The following CELSR2 variants were observed in gnomAD, a reference collection of about 807,000 sequenced individuals.
CELSR2 encodes cadherin EGF LAG seven-pass G-type receptor 2.
Under a neutral mutation model 251.6 loss-of-function variants are expected in CELSR2, and 81 were observed. The ratio of observed to expected loss-of-function variants is 0.32; its 90% CI spans 0.27 to 0.39. The LOEUF (loss-of-function observed/expected upper bound fraction) is 0.39. CELSR2 is among the 10% of genes least tolerant of loss of function. CELSR2 has a pLI of 1.00. For synonymous variants in CELSR2, 1,721 were observed against 1,670.5 expected (o/e 1.03, Z -0.74); for missense variants, 3,365 against 3,947.7 (o/e 0.85, Z 3.96).
In CELSR2 at chr1:109,259,035, G is replaced by C; in HGVS notation, c.3914G>C (p.Ser1305Thr). The C allele has an allele frequency of 1.9e-6, 3 of 1,595,058 alleles. No homozygotes were observed. The highest frequency in any genetic ancestry group is 1.3e-5 in the African/African-American group (1 of 74,940). The change falls in exon 2 of 34, where the codon AGC becomes ACC. Residue 1305 changes from serine to threonine, a missense_variant. Ser to Thr is a moderately conservative substitution (Grantham distance 58). Coordinates refer to ENST00000271332, the MANE Select transcript of CELSR2 (RefSeq NM_001408.3). ...TGTGGCCCCCACGGGCGCTGCCGCA[G>C]CCGCGAGGGCGGCTACACCTGCCTC... ...RPCGPHGRCR[S>T]REGGYTCLCR...
rs367639030 is a variant in CELSR2, at chr1:109,270,519, C to T, written c.7402C>T (p.Leu2468Phe). 5.9e-5 allele frequency: 95 copies of T among 1,614,106 alleles called. No individual in the cohort carries two copies. Among genetic ancestry groups the T allele is most frequent in the Non-Finnish European group, 7.5e-5 (88 of 1,180,040 alleles). The change falls in exon 24 of 34, where the codon CTC (leucine) becomes TTC (phenylalanine). Residue 2468 changes from leucine to phenylalanine, a missense_variant. By Grantham distance (22) the Leu-to-Phe change is conservative. Transcript: ENST00000271332. ...GGAGGCCTTGCACCTGTACCGGGCA[C>T]TCACTGAGGTGCGCGATGTCAACAC... ...LLEALHLYRA[L>F]TEVRDVNTGP... is the part of the protein sequence containing the mutation.
rs376120413 is a variant in CELSR2, at chr1:109,269,114, G to A, written c.6636G>A (p.Thr2212=). The change falls in exon 20 of 34, where the codon ACG becomes ACA. Residue 2212 remains threonine, a synonymous_variant. Coordinates refer to ENST00000271332, the MANE Select transcript of CELSR2 (RefSeq NM_001408.3). This position sits in a 1 kb window ranked among gnomAD's most constrained non-coding sequence, Gnocchi z 6.4. ...TGTGACAGTGTCCCCTCCCAGAGAC[G>A]CCCCCCGTGGTCAGGCCCGCAGGCC... is the stretch of plus-strand genomic sequence containing the variant. The part of the protein sequence containing the change: ...VILPESVFRE[T]PPVVRPAGPG... 6.9e-5 allele frequency: 110 copies of A among 1,598,658 alleles called. No individual in the cohort carries two copies. The highest frequency in any genetic ancestry group is 8.5e-5 in the Non-Finnish European group (100 of 1,171,840).
At chr1:109,266,010 G>A (rs1656176738) in intron 14 of CELSR2, 92 bp downstream of exon 14, 2 of 1,578,654 alleles carry the variant, frequency 1.3e-6, no homozygotes, top group Non-Finnish European at 1.7e-6. Flanking sequence ...TTGCAGGCCT[G>A]GGGAGGCCTG....
At chr1:109,263,821 C>T (rs764244244) in intron 9 of CELSR2, 44 bp downstream of exon 9, 1 of 1,592,566 alleles carries the variant, frequency 6.3e-7, no homozygotes, top group Admixed American at 1.7e-5. Context: ...GCCATAGGGC[C>T]CTGGTAGCCT....
At position 109,250,124 on chromosome 1, in the gene CELSR2, G is replaced by GCCT. The variant is rs1279679836; in HGVS notation, c.47_48insTCC (p.Pro16dup). On this transcript the variant is annotated inframe_insertion, in exon 1 of 34. Transcript: ENST00000271332. This position sits in a 1 kb window ranked among gnomAD's most constrained non-coding sequence, Gnocchi z 4.4. The stretch of plus-strand genomic sequence containing the variant: ...GCGTCCCCCTCCCAACGCCGCCGCC[G>GCCT]CCGCTGCTGCTGCTGTTGCTGCTGC... 5 of 1,582,486 alleles carry GCCT rather than the reference G, an allele frequency of 3.2e-6. No homozygotes were observed. The highest frequency in any genetic ancestry group is 4.3e-6 in the Non-Finnish European group (5 of 1,168,902).
chr1:109,262,004 C>A, intron 5 of CELSR2, 108 bp downstream of exon 5: 1 of 1,274,216 alleles, frequency 7.8e-7, no homozygotes, highest in Non-Finnish European at 1.1e-6. Flanking sequence ...CAGGGCATTT[C>A]TGGCTGAGAG....
At chr1:109,258,314 A>G (rs528308317) in intron 1 of CELSR2, 118 bp from the exon 2 acceptor site, 8 of 662,222 alleles carry the variant, frequency 1.2e-5, no homozygotes, top group Non-Finnish European at 2.0e-5. Flanking sequence ...CACGTGACAT[A>G]CCTGGCTCAG....
intron 14 of CELSR2, 61 bp downstream of exon 14, chr1:109,265,979 G>A: frequency 1.9e-6 from 3 of 1,583,280 alleles, no homozygotes; most frequent in African/African-American, 1.3e-5. Context: ...CTGCACCCCA[G>A]GAAAGCCAGG....
intron 1 of CELSR2, among the ~76,000 whole-genome samples, chr1:109,253,970 C>G (rs1410892747): frequency 6.6e-6 from 1 of 152,248 alleles, no homozygotes; most frequent in Non-Finnish European, 1.5e-5. Flanking sequence ...GCATTCTTTT[C>G]CCTCCAGGCA....
rs781631377 is a variant in CELSR2, at chr1:109,263,190, G to A, written c.4757G>A (p.Gly1586Glu). The change falls in exon 8 of 34, where the codon GGG (glycine) becomes GAG (glutamate). Residue 1586 changes from glycine to glutamate, a missense_variant. Transcript: ENST00000271332. ...NVCDSNTCHNGGTCVNQWDAF... is the reference protein window; with the variant it reads ...NVCDSNTCHNEGTCVNQWDAF... The stretch of plus-strand genomic sequence containing the variant: ...TGTGACAGCAACACTTGCCACAATG[G>A]GGGCACTTGCGTGAACCAGTGGGAC... The A allele has an allele frequency of 6.2e-7, 1 of 1,600,530 alleles. No individual in the cohort carries two copies. The highest frequency in any genetic ancestry group is 1.1e-5 in the South Asian group (1 of 90,756).
chr1:109,266,310 G>A (rs920231288), intron 15 of CELSR2, 104 bp downstream of exon 15: 197 of 1,361,434 alleles, frequency 1.4e-4, no homozygotes, highest in Non-Finnish European at 1.9e-4. Flanking sequence ...CCCACTTTCT[G>A]GCCTCCAGGT....
Position 109,272,657 on chromosome 1 carries a change from ACCCTGGCCAAGGGCC to A in CELSR2, c.8081_8095del (p.Gln2694_Gly2698del). 6.2e-7 allele frequency: 1 copy of A among 1,613,374 alleles called. No individual in the cohort carries two copies. The highest frequency in any genetic ancestry group is 1.3e-5 in the African/African-American group (1 of 74,982). The stretch of plus-strand genomic sequence containing the variant: ...CTTCCTAGGGAGGAGTCCGCACTGA[ACCCTGGCCAAGGGCC>A]CCCTGGCCTGGGGGATCCAGGCAGC... On this transcript the variant is annotated inframe_deletion, in exon 30 of 34. Coordinates refer to ENST00000271332, the MANE Select transcript of CELSR2 (RefSeq NM_001408.3).
At chr1:109,265,087 G>T in intron 12 of CELSR2, 78 bp downstream of exon 12, 1 of 1,599,106 alleles carries the variant, frequency 6.3e-7, no homozygotes, top group East Asian at 2.2e-5. Context: ...AGCCCCGAAA[G>T]CCTGGCTGAT....
Position 109,252,536 on chromosome 1 carries a change from C to T in CELSR2, c.2457C>T (p.Ser819=), listed in dbSNP as rs769134813. The T allele has an allele frequency of 3.7e-6, 6 of 1,613,798 alleles. No homozygotes were observed. Among genetic ancestry groups the T allele is most frequent in the Non-Finnish European group, 5.1e-6 (6 of 1,180,036 alleles). ...NDNAPQFLRD[S]YQGSVYEDVP... is the part of the protein sequence containing the mutation. Reference sequence around the variant, plus strand: ...ATGCCCCTCAGTTCCTGCGAGACTCCTACCAGGGCAGTGTCTATGAGGATG... The same window carrying T: ...ATGCCCCTCAGTTCCTGCGAGACTCTTACCAGGGCAGTGTCTATGAGGATG... Residue 819 remains serine (S), a synonymous_variant, in exon 1 of 34, where the codon TCC becomes TCT. Coordinates refer to ENST00000271332, the MANE Select transcript of CELSR2 (RefSeq NM_001408.3). The surrounding 1 kb of genome is among the most constrained non-coding windows in gnomAD (Gnocchi z 4.8).
At chr1:109,268,447 G>T in intron 17 of CELSR2, 134 bp from the exon 18 acceptor site, 2 of 1,212,918 alleles carry the variant, frequency 1.6e-6, no homozygotes, top group Non-Finnish European at 2.2e-6. Context: ...GAGCATTTCA[G>T]GGGAGGCAAC....
intron 1 of CELSR2, among the ~76,000 whole-genome samples, chr1:109,257,857 T>C (rs1444247690): frequency 6.6e-6 from 1 of 151,914 alleles, no homozygotes; most frequent in Non-Finnish European, 1.5e-5. Context: ...GAAGAATGCT[T>C]TGTGTTGGAT....
intron 13 of CELSR2, 66 bp downstream of exon 13, chr1:109,265,377 G>A (rs1656157253): frequency 4.6e-6 from 7 of 1,506,514 alleles, no homozygotes; most frequent in Middle Eastern, 1.8e-4. Flanking sequence ...CTGGGCCCTA[G>A]AGGGCAGGCT....
At chr1:109,260,110 G>A (rs554794639) in intron 2 of CELSR2, among the ~76,000 whole-genome samples, 1 of 150,736 alleles carries the variant, frequency 6.6e-6, no homozygotes, top group African/African-American at 2.4e-5. Context: ...TGCTAGGGGT[G>A]GGGGGAAGGG....
Position 109,264,131 on chromosome 1 carries a change from C to G in CELSR2, c.5055C>G (p.Ser1685=). Residue 1685 remains serine, a synonymous_variant, in exon 10 of 34, where the codon TCC becomes TCG. Coordinates refer to ENST00000271332, the MANE Select transcript of CELSR2 (RefSeq NM_001408.3). ...TGGAGGGCACAGGGCTTCAGGCCTCCTCTCTCCGTCTGGAGCCAGGCCGGG... is the reference window on the plus strand; with the variant it reads ...TGGAGGGCACAGGGCTTCAGGCCTCGTCTCTCCGTCTGGAGCCAGGCCGGG... ...LSVEGTGLQA[S]SLRLEPGRAN... is the part of the protein sequence containing the mutation. 6.2e-7 allele frequency: 1 copy of G among 1,604,258 alleles called. No individual in the cohort carries two copies. Among genetic ancestry groups the G allele is most frequent in the Non-Finnish European group, 8.5e-7 (1 of 1,172,654 alleles).
Sources: allele counts gnomAD v4.1 joint callset (sites outside exome capture counted in the v4.1 genomes callset), GRCh38; gene constraint gnomAD v4.1.1; non-coding constraint Gnocchi (gnomAD v3.1); transcripts MANE v1.5; gene names NCBI Gene and HGNC (gene_info 2026-07-23, HGNC 2026-07-21).